The following MIA2 variants were observed in gnomAD, a reference collection of about 807,000 sequenced individuals.
The protein encoded by MIA2 is MIA SH3 domain ER export factor 2.
A neutral mutation model predicts 167.8 loss-of-function variants in MIA2; 127 were observed. The ratio of observed to expected loss-of-function variants is 0.76; its 90% CI spans 0.66 to 0.88. The LOEUF (loss-of-function observed/expected upper bound fraction) is 0.88. MIA2 is among the 40% of genes least tolerant of loss of function. The probability of loss-of-function intolerance (pLI) is 0.00; values close to 1 mark genes in which losing one functional copy is unlikely to be tolerated. For missense variants in MIA2, 1,690 were observed against 1,624.7 expected (o/e 1.04, Z -0.69); for synonymous variants, 552 against 541.9 (o/e 1.02, Z -0.26).
chr14:39,242,432 C>T (rs904130648), intron 3 of MIA2, among the ~76,000 whole-genome samples: 1 of 151,498 alleles, frequency 6.6e-6, no homozygotes, highest in Non-Finnish European at 1.5e-5. Flanking sequence ...AAGTGATTCT[C>T]CTGCCTCAGC....
chr14:39,342,564 C>G (rs879704971), intron 25 of MIA2, among the ~76,000 whole-genome samples: 4 of 152,130 alleles, frequency 2.6e-5, no homozygotes, highest in Non-Finnish European at 5.9e-5. Flanking sequence ...AGTTCTAGTT[C>G]TAGATCCCTG....
rs577224465 is a variant in MIA2 at position 39,359,392 on chromosome 14, C to T, written c.2248+10415C>T. 1.5e-4 allele frequency among the ~76,000 whole-genome samples: 23 copies of T among 152,252 alleles called. No individual in the cohort carries two copies. In the South Asian group the frequency reaches 4.1e-3, roughly 27 times the overall value. ...TCTTCTGGTGTGCCGTTTGATAAGA[C>T]CGTTGGAAAAACGCAGTATTAGGGT... On this transcript the variant is annotated intron_variant, in intron 23 of 23. Coordinates refer to the MIA2 transcript ENST00000341502.
chr14:39,346,078 A>G (rs763877116), intron 26 of MIA2, 52 bp downstream of exon 26: 3 of 1,497,444 alleles, frequency 2.0e-6, no homozygotes, highest in East Asian at 4.5e-5. Context: ...GGCACACTAA[A>G]GAACTGGAAG....
intron 10 of MIA2, 32 bp from the exon 11 acceptor site, chr14:39,293,239 A>G (rs371233297): frequency 5.0e-6 from 7 of 1,389,398 alleles, no homozygotes; most frequent in African/African-American, 2.9e-5. Flanking sequence ...AAATTCTTAT[A>G]TCTGTTTAAT....
chr14:39,294,521 A>C (rs2061158372), intron 12 of MIA2, among the ~76,000 whole-genome samples: 1 of 151,192 alleles, frequency 6.6e-6, no homozygotes, highest in South Asian at 2.1e-4. Flanking sequence ...TTTTTACGTG[A>C]AGTGCTTCAG....
intron 23 of MIA2, among the ~76,000 whole-genome samples, chr14:39,381,037 C>A (rs796592039): frequency 0.011 from 1,625 of 143,928 alleles, 28 homozygotes; most frequent in African/African-American, 0.037. Context: ...AAAAAAAAAA[C>A]AAAGGTAACA....
chr14:39,267,100 G>C (rs2055876354), intron 6 of MIA2: 1 of 1,117,832 alleles, frequency 8.9e-7, no homozygotes, highest in Non-Finnish European at 1.1e-6. Flanking sequence ...CTTGCGCGAA[G>C]AAGGGGAAGT....
intron 10 of MIA2, among the ~76,000 whole-genome samples, chr14:39,291,569 T>C (rs1410000836): frequency 6.6e-6 from 1 of 152,238 alleles, no homozygotes; most frequent in Non-Finnish European, 1.5e-5. Flanking sequence ...GTTTACGTTA[T>C]AAGTAATGGT....
chr14:39,315,759 A>AT (rs374137748), intron 21 of MIA2, 41 bp downstream of exon 21: 18,337 of 1,286,450 alleles, frequency 0.014, 287 homozygotes, highest in South Asian at 0.06. Flanking sequence ...GTCAAATTGT[A>AT]TGTTTTTTTC....
intron 6 of MIA2, chr14:39,266,667 C>T: frequency 1.0e-6 from 1 of 985,606 alleles, no homozygotes; most frequent in African/African-American, 1.7e-5. Flanking sequence ...GCGTGCCCCG[C>T]AGGCCATTTT....
intron 9 of MIA2, among the ~76,000 whole-genome samples, chr14:39,288,133 A>G (rs1453040938): frequency 6.6e-6 from 1 of 151,956 alleles, no homozygotes; most frequent in African/African-American, 2.4e-5. Context: ...CCAGAACTTT[A>G]CTTCTATACT....
At position 39,285,664 on chromosome 14, in the gene MIA2, A is replaced by AC. The variant is rs1468604736; in HGVS notation, c.2131-5349dup. ...GGGGTGGCTGGCCGGGCTGGGGCTG[A>AC]CCCCCCACCTCCCTCCCGGTCGGGG... On this transcript the variant is annotated intron_variant, in intron 9 of 28. Coordinates refer to ENST00000640607, the MANE Select transcript of MIA2 (RefSeq NM_001329214.4). Among the ~76,000 whole-genome samples the AC allele has an allele frequency of 1.6e-4, 15 of 91,432 alleles. 1 individual carries two copies. The highest frequency in any genetic ancestry group is 3.7e-4 in the East Asian group (1 of 2,710). 60.0% of individuals were successfully genotyped at this position (91,432 alleles called of 152,430 possible).
At chr14:39,257,174 T>C (rs992713267) in intron 6 of MIA2, among the ~76,000 whole-genome samples, 3 of 152,190 alleles carry the variant, frequency 2.0e-5, no homozygotes, top group African/African-American at 7.2e-5. Flanking sequence ...GTCATAATAT[T>C]GACAGTGGGG....
At chr14:39,322,376 A>C (rs1408963371) in intron 24 of MIA2, among the ~76,000 whole-genome samples, 1 of 151,988 alleles carries the variant, frequency 6.6e-6, no homozygotes, top group Non-Finnish European at 1.5e-5. Flanking sequence ...CCCTGTCTCT[A>C]CTAAAAATAC....
intron 16 of MIA2, 125 bp from the exon 17 acceptor site, chr14:39,304,166 A>G (rs1049192344): frequency 2.3e-6 from 1 of 441,348 alleles, no homozygotes; most frequent in African/African-American, 2.1e-5. Context: ...CCAGGTGATA[A>G]TTTCATCAAA....
chr14:39,297,699 T>TGTGTGTGTGTGTGTGTGTGTGTG (rs1228446895), intron 13 of MIA2, among the ~76,000 whole-genome samples: 3 of 63,304 alleles, frequency 4.7e-5, no homozygotes, highest in Admixed American at 1.7e-4. Context: ...GTGTGTGTGT[T>TGTGTGTGTGTGTGTGTGTGTGTG]TGTGTGTGTG....
In MIA2 at chr14:39,266,558, T is replaced by C. The variant is rs553022647; in HGVS notation, c.1888-10376T>C. 5 of 985,492 alleles carry C rather than the reference T, an allele frequency of 5.1e-6. No homozygotes were observed. The South Asian group carries it at 2.3e-4, about 46-fold the overall frequency. 61.0% of individuals were successfully genotyped at this position (985,492 alleles called of 1,614,324 possible). On this transcript the variant is annotated intron_variant, in intron 6 of 28. Coordinates refer to ENST00000640607, the MANE Select transcript of MIA2 (RefSeq NM_001329214.4). ...CGAGGAAACCAGATCGAGGTTCTCTTGCGTGGGACAGGTTAAACTCTGACC... is the reference window on the plus strand; with the variant it reads ...CGAGGAAACCAGATCGAGGTTCTCTCGCGTGGGACAGGTTAAACTCTGACC...
At chr14:39,312,196 C>T (rs1270757686) in intron 18 of MIA2, among the ~76,000 whole-genome samples, 1 of 152,050 alleles carries the variant, frequency 6.6e-6, no homozygotes, top group Non-Finnish European at 1.5e-5. Context: ...ATTAATAGGC[C>T]CACCCAAATT....
At chr14:39,332,966 AG>A (rs2069290073) in intron 25 of MIA2, among the ~76,000 whole-genome samples, 1 of 151,936 alleles carries the variant, frequency 6.6e-6, no homozygotes, top group African/African-American at 2.4e-5. Flanking sequence ...ATCTAGTAAA[AG>A]TTTTATTTTA....
Sources: allele counts gnomAD v4.1 joint callset (sites outside exome capture counted in the v4.1 genomes callset), GRCh38; gene constraint gnomAD v4.1.1; transcripts MANE v1.5; gene names NCBI Gene and HGNC (gene_info 2026-07-23, HGNC 2026-07-21).